The following CEP170 variants were observed in gnomAD, a reference collection of about 807,000 sequenced individuals.
CEP170 encodes centrosomal protein of 170 kDa.
CEP170 carries 21 observed loss-of-function variants against 151.9 expected under a neutral mutation model. The ratio of observed to expected loss-of-function variants is 0.14; its 90% CI spans 0.10 to 0.20. CEP170 has a LOEUF of 0.20. Ranked by LOEUF, CEP170 falls within the 10% of genes least tolerant of loss-of-function variation. The pLI is 1.00. For synonymous variants in CEP170, 356 were observed against 648.8 expected, an observed-to-expected ratio of 0.55 and a Z score of 6.86; for missense variants, 964 against 1,892.9, an observed-to-expected ratio of 0.51 and a Z score of 9.11.
chr1:243,158,738 T>G (rs2057785134), intron 13 of CEP170, among the ~76,000 whole-genome samples: 2 of 152,092 alleles, frequency 1.3e-5, no homozygotes, highest in East Asian at 3.9e-4. Flanking sequence ...TAGAAGTCAG[T>G]AAGAATAGTA....
At position 243,218,771 on chromosome 1, in the gene CEP170, A is replaced by T. The variant is rs571186627; in HGVS notation, c.195+2953T>A. On this transcript the variant is annotated intron_variant, in intron 3 of 19. Transcript: ENST00000366542. ...TTACTATGTACTGTTGTTTAAAATT[A>T]TTAGCTTATTTATATCTTTACAACA... Among the ~76,000 whole-genome samples, 99 of 152,308 alleles carry T rather than the reference A, an allele frequency of 6.5e-4. 2 individuals carry two copies. The South Asian group carries it at 0.02, about 31-fold the overall frequency.
chr1:243,184,857 T>A (rs372732599), intron 10 of CEP170, among the ~76,000 whole-genome samples: 1 of 152,052 alleles, frequency 6.6e-6, no homozygotes, highest in African/African-American at 2.4e-5. Context: ...TTTGACTTGG[T>A]ATATATAGGA....
intron 4 of CEP170, among the ~76,000 whole-genome samples, chr1:243,208,857 A>T (rs1318757571): frequency 4.0e-5 from 6 of 151,216 alleles, no homozygotes; most frequent in African/African-American, 1.5e-4. Flanking sequence ...TATTTTATTC[A>T]CAGTTATATT....
At chr1:243,176,982 A>G (rs184729949) in intron 10 of CEP170, among the ~76,000 whole-genome samples, 52 of 152,350 alleles carry the variant, frequency 3.4e-4, no homozygotes, top group African/African-American at 8.7e-4. Flanking sequence ...GATTTTTTTC[A>G]CTAGCATATT....
chr1:243,219,540 G>C (rs2062606271), intron 3 of CEP170, among the ~76,000 whole-genome samples: 1 of 152,158 alleles, frequency 6.6e-6, no homozygotes, highest in Non-Finnish European at 1.5e-5. Flanking sequence ...TGTTTCACCT[G>C]ATTATTTTTG....
rs116197763 is a variant in CEP170 at position 243,241,095 on chromosome 1, A to T, written c.-42+13945T>A. Among the ~76,000 whole-genome samples the T allele has an allele frequency of 3.2e-3, 490 of 152,370 alleles. 3 individuals carry two copies. The highest frequency in any genetic ancestry group is 0.011 in the African/African-American group (444 of 41,586). On this transcript the variant is annotated intron_variant, in intron 1 of 19. Transcript: ENST00000366542. ...TATCTAAATGAACAGAGAATTGTAGAAGGCAAATTTCATTTTGTGTAGGAG... is the reference window on the plus strand; with the variant it reads ...TATCTAAATGAACAGAGAATTGTAGTAGGCAAATTTCATTTTGTGTAGGAG...
rs1034874079 is a variant in CEP170 at position 243,140,001 on chromosome 1, G to C, written c.4166C>G (p.Pro1389Arg). ...GNNGRSGDPR[P>R]QAAEPPDHLT... ...GTGATCGGGAGGCTCTGCTGCTTGA[G>C]GTCTTGGATCACCAGATCGACCGTT... is the stretch of plus-strand genomic sequence containing the variant. Residue 1389 changes from proline to arginine, a missense_variant, in exon 16 of 20, where the codon CCT (proline) becomes CGT (arginine). By Grantham distance (103) the Pro-to-Arg change is moderately radical (BLOSUM62 -2). Coordinates refer to ENST00000366542, the MANE Select transcript of CEP170 (RefSeq NM_014812.3). The C allele has an allele frequency of 1.8e-5, 29 of 1,613,710 alleles. No individual in the cohort carries two copies. Among genetic ancestry groups the C allele is most frequent in the Non-Finnish European group, 2.4e-5 (28 of 1,179,820 alleles).
rs1443476297 is a variant in CEP170 at position 243,193,439 on chromosome 1, A to G, written c.632-1945T>C. 2.6e-5 allele frequency among the ~76,000 whole-genome samples: 4 copies of G among 151,814 alleles called. No individual in the cohort carries two copies. In the South Asian group the frequency reaches 6.3e-4, roughly 24 times the overall value. On this transcript the variant is annotated intron_variant, in intron 7 of 19. Transcript: ENST00000366542. ...AACAACGTCAAGATGGTAGTTTCTA[A>G]TACCACTACACAGAGAGCCAAATAA... is the stretch of plus-strand genomic sequence containing the variant.
At chr1:243,202,121 A>C (rs886803474) in intron 4 of CEP170, among the ~76,000 whole-genome samples, 10 of 152,170 alleles carry the variant, frequency 6.6e-5, no homozygotes, top group Non-Finnish European at 1.0e-4. Flanking sequence ...CTCAGCCATA[A>C]AAAAGAATGA....
Position 243,173,612 on chromosome 1 carries a change from T to C in CEP170, c.1567-766A>G, listed in dbSNP as rs533594853. On this transcript the variant is annotated intron_variant, in intron 10 of 19. Transcript: ENST00000366542. ...TTAGCTGGGCATGGTGCCATGTGCCTATAGTCCCAGCTACTTGGGAGGCTG... is the reference window on the plus strand; with the variant it reads ...TTAGCTGGGCATGGTGCCATGTGCCCATAGTCCCAGCTACTTGGGAGGCTG... Among the ~76,000 whole-genome samples, 601 of 151,568 alleles carry C rather than the reference T, an allele frequency of 4.0e-3. 4 individuals carry two copies. The highest frequency in any genetic ancestry group is 0.014 in the African/African-American group (572 of 41,318).
chr1:243,198,542 G>A (rs1467446541), intron 7 of CEP170, among the ~76,000 whole-genome samples: 3 of 152,098 alleles, frequency 2.0e-5, no homozygotes, highest in African/African-American at 7.2e-5. Flanking sequence ...ATGAGATGGT[G>A]TGTGCCATAA....
At chr1:243,211,551 G>A (rs2061806169) in intron 4 of CEP170, 1 of 204,848 alleles carries the variant, frequency 4.9e-6, no homozygotes, top group Non-Finnish European at 9.9e-6. Flanking sequence ...TCCCTAGGCT[G>A]GACTAAAATT....
intron 7 of CEP170, among the ~76,000 whole-genome samples, chr1:243,192,304 C>T (rs1424087238): frequency 6.6e-6 from 1 of 152,070 alleles, no homozygotes; most frequent in African/African-American, 2.4e-5. Flanking sequence ...CATGAGTTGG[C>T]AGAAGGAGCA....
At chr1:243,218,321 G>A (rs533970769) in intron 3 of CEP170, among the ~76,000 whole-genome samples, 1 of 152,356 alleles carries the variant, frequency 6.6e-6, no homozygotes, top group East Asian at 1.9e-4. Context: ...GGCTTGCAAT[G>A]GCACAGGAGG....
intron 1 of CEP170, among the ~76,000 whole-genome samples, chr1:243,244,980 T>C (rs1222203838): frequency 4.6e-5 from 7 of 152,124 alleles, no homozygotes; most frequent in Admixed American, 2.6e-4. Flanking sequence ...AAAATCTTTG[T>C]TGGGTAAAAA....
chr1:243,236,571 G>T (rs961938071), intron 1 of CEP170, among the ~76,000 whole-genome samples: 1 of 152,118 alleles, frequency 6.6e-6, no homozygotes, highest in African/African-American at 2.4e-5. Context: ...CCAAAAATCA[G>T]CTGGCCAAAA....
At chr1:243,210,607 A>AAT (rs1441419541) in intron 4 of CEP170, among the ~76,000 whole-genome samples, 15 of 70,454 alleles carry the variant, frequency 2.1e-4, no homozygotes, top group African/African-American at 6.6e-4. Context: ...TATTTTTCGT[A>AAT]ATTTTTTTTT....
chr1:243,205,267 G>A (rs1277862022), intron 4 of CEP170, among the ~76,000 whole-genome samples: 4 of 152,066 alleles, frequency 2.6e-5, no homozygotes, highest in African/African-American at 7.2e-5. Flanking sequence ...CCACACATAG[G>A]GCCAGGAATA....
chr1:243,232,389 G>C (rs2063841791), intron 1 of CEP170, among the ~76,000 whole-genome samples: 1 of 152,148 alleles, frequency 6.6e-6, no homozygotes, highest in Non-Finnish European at 1.5e-5. Flanking sequence ...CAAAGAGTAT[G>C]AGAAAGTACA....
Sources: gnomAD v4.1 joint callset for allele counts (sites outside exome capture counted in the v4.1 genomes callset) on GRCh38, gnomAD v4.1.1 for gene constraint, MANE v1.5 for transcripts, NCBI Gene and HGNC (gene_info 2026-07-23, HGNC 2026-07-21) for gene names.